Variants in UGT1A4 observed in about 807,000 individuals in gnomAD.
The protein encoded by UGT1A4 is UDP glucuronosyltransferase family 1 member A4.
In UGT1A4, 32 loss-of-function variants were observed where a neutral mutation model predicts 41.1. The observed-to-expected ratio is 0.78, with a 90% confidence interval of 0.59 to 1.05. UGT1A4 has a LOEUF of 1.05. UGT1A4 is among the 50% of genes least tolerant of loss of function. The pLI, the probability that UGT1A4 is intolerant of heterozygous loss-of-function variation, is 0.00. For synonymous variants in UGT1A4, 283 were observed against 265.1 expected (o/e 1.07, Z -0.66); for missense variants, 748 against 677.4 (o/e 1.10, Z -1.16).
chr2:233,759,924 C>T (rs887829), intron 1 of UGT1A4, among the ~76,000 whole-genome samples: 54,890 of 151,920 alleles, frequency 0.36, 10,314 homozygotes, highest in African/African-American at 0.45. Context: ...TGTTTAATTT[C>T]TGGAAAAGAA....
In UGT1A4 at chr2:233,772,482, T is replaced by G. The variant is rs780493798; in HGVS notation, c.1528T>G (p.Cys510Gly). Residue 510 changes from cysteine to glycine, a missense_variant, in exon 5 of 5, where the codon TGT becomes GGT. Transcript: ENST00000373409. ...GACAGTGGCCTTCATCACCTTTAAATGTTGTGCTTATGGCTACCGGAAATG... is the reference window on the plus strand; with the variant it reads ...GACAGTGGCCTTCATCACCTTTAAAGGTTGTGCTTATGGCTACCGGAAATG... Reference protein sequence around the residue: ...VLTVAFITFKCCAYGYRKCLG... With the variant: ...VLTVAFITFKGCAYGYRKCLG... 5.0e-6 allele frequency: 8 copies of G among 1,614,124 alleles called. No homozygotes were observed. The Admixed American group carries it at 1.3e-4, about 27-fold the overall frequency.
Position 233,773,068 on chromosome 2 carries a change from G to C in UGT1A4, c.*509G>C, listed in dbSNP as rs1488458773. Reference sequence around the variant, plus strand: ...TGTACCTTTAGAGTGTAGGTGAAATGAATGAATGGCTTGGAGTGCACTGAG... The same window carrying C: ...TGTACCTTTAGAGTGTAGGTGAAATCAATGAATGGCTTGGAGTGCACTGAG... On this transcript the variant is annotated 3_prime_UTR_variant, in exon 5 of 5. Coordinates refer to ENST00000373409, the MANE Select transcript of UGT1A4 (RefSeq NM_007120.3). 5.8e-6 allele frequency: 1 copy of C among 171,412 alleles called. No homozygotes were observed. Among genetic ancestry groups the C allele is most frequent in the Non-Finnish European group, 1.3e-5 (1 of 78,258 alleles). The allele number at this position is 171,412 out of a possible 1,614,324, so 10.6% of individuals were successfully genotyped here. A position where few individuals can be genotyped will look rare whatever the true frequency, so the allele number is the denominator to read the frequency against.
chr2:233,726,214 T>C (rs560651171), intron 1 of UGT1A4, among the ~76,000 whole-genome samples: 20 of 152,276 alleles, frequency 1.3e-4, no homozygotes, highest in Non-Finnish European at 2.5e-4. Context: ...TTAAAAAGTT[T>C]AGAAAACATT....
intron 1 of UGT1A4, among the ~76,000 whole-genome samples, chr2:233,751,403 T>G (rs1694718342): frequency 6.6e-6 from 1 of 152,162 alleles, no homozygotes; most frequent in Admixed American, 6.5e-5. Flanking sequence ...GACTTTGGAC[T>G]ATGGACTTTT....
chr2:233,728,748 G>A (rs2077747178), intron 1 of UGT1A4, among the ~76,000 whole-genome samples: 1 of 152,206 alleles, frequency 6.6e-6, no homozygotes, highest in African/African-American at 2.4e-5. Flanking sequence ...TAGGGCAATG[G>A]TGACTCCTCA....
At chr2:233,724,564 C>T (rs1389770711) in intron 1 of UGT1A4, among the ~76,000 whole-genome samples, 17 of 122,772 alleles carry the variant, frequency 1.4e-4, no homozygotes, top group African/African-American at 2.4e-4. Flanking sequence ...CCAGATGGGG[C>T]GGCGGGGCAG....
At chr2:233,760,138 T>C (rs2125979054) in intron 1 of UGT1A4, 1 of 1,410,406 alleles carries the variant, frequency 7.1e-7, no homozygotes, top group African/African-American at 1.4e-5. Context: ...TCTTTATCTC[T>C]GAAAGTGAAC....
chr2:233,725,819 A>G (rs2077477278), intron 1 of UGT1A4, among the ~76,000 whole-genome samples: 1 of 152,214 alleles, frequency 6.6e-6, no homozygotes, highest in South Asian at 2.1e-4. Context: ...TTTATTGGAT[A>G]CCAGTATTGC....
At chr2:233,744,463 T>C (rs376604429) in intron 1 of UGT1A4, among the ~76,000 whole-genome samples, 1 of 151,892 alleles carries the variant, frequency 6.6e-6, no homozygotes, top group African/African-American at 2.4e-5. Flanking sequence ...TAAAACAGAA[T>C]TAAAAAGACA....
In UGT1A4 at chr2:233,719,639, G is replaced by A. The variant is rs771839689; in HGVS notation, c.819G>A (p.Met273Ile). The A allele has an allele frequency of 2.5e-6, 4 of 1,614,048 alleles. No individual in the cohort carries two copies. In the Admixed American group the frequency reaches 6.7e-5, roughly 27 times the overall value. Reference protein sequence around the residue: ...MDYPRPIMPNMVFIGGINCAN... With the variant: ...MDYPRPIMPNIVFIGGINCAN... ...ACCCCAGGCCGATCATGCCCAACAT[G>A]GTCTTCATTGGGGGCATCAACTGTG... Residue 273 changes from methionine (M) to isoleucine (I), a missense_variant, in exon 1 of 5, where the codon ATG becomes ATA. Coordinates refer to ENST00000373409, the MANE Select transcript of UGT1A4 (RefSeq NM_007120.3).
chr2:233,750,987 C>T lies in UGT1A4; in HGVS notation c.868-16047C>T, dbSNP rs140441181. 4.4e-3 allele frequency among the ~76,000 whole-genome samples: 664 copies of T among 151,836 alleles called. 16 individuals are homozygous for T. Among genetic ancestry groups the T allele is most frequent in the African/African-American group, 0.015 (615 of 41,178 alleles). On this transcript the variant is annotated intron_variant, in intron 1 of 4. Transcript: ENST00000373409. ...ACTGCCTAGTGGAGTTGTGAGAAGG[C>T]GGCCACCATCCTCCAGAATCCCAAA...
At chr2:233,756,794 A>G (rs1409639482) in intron 1 of UGT1A4, among the ~76,000 whole-genome samples, 1 of 152,086 alleles carries the variant, frequency 6.6e-6, no homozygotes, top group Admixed American at 6.5e-5. Flanking sequence ...GTGGGGCAAT[A>G]CACTAGTAAA....
At chr2:233,736,960 T>C (rs1472477561) in intron 1 of UGT1A4, among the ~76,000 whole-genome samples, 1 of 152,166 alleles carries the variant, frequency 6.6e-6, no homozygotes, top group Non-Finnish European at 1.5e-5. Context: ...TGGCCCCTAC[T>C]GGGAGGTGTT....
intron 1 of UGT1A4, among the ~76,000 whole-genome samples, chr2:233,738,606 A>G (rs1397968465): frequency 6.6e-6 from 1 of 152,228 alleles, no homozygotes; most frequent in Non-Finnish European, 1.5e-5. Flanking sequence ...AAGCTTTAGC[A>G]AAGAAACTCG....
intron 1 of UGT1A4, among the ~76,000 whole-genome samples, chr2:233,762,024 AT>A (rs967311965): frequency 2.6e-5 from 4 of 151,856 alleles, no homozygotes; most frequent in Non-Finnish European, 4.4e-5. Context: ...TTTGTATTTT[AT>A]TTTTTTTAAT....
intron 1 of UGT1A4, among the ~76,000 whole-genome samples, chr2:233,724,462 A>G (rs2077262271): frequency 8.2e-6 from 1 of 121,344 alleles, no homozygotes; most frequent in Admixed American, 8.0e-5. Flanking sequence ...TGCCGGGCGG[A>G]GGGGCTCCTC....
intron 1 of UGT1A4, among the ~76,000 whole-genome samples, chr2:233,745,958 CA>C (rs1693266177): frequency 6.6e-6 from 1 of 151,586 alleles, no homozygotes; most frequent in African/African-American, 2.4e-5. Context: ...AACTGGGGGA[CA>C]GGGGCCCTGA....
At chr2:233,764,342 C>T (rs1016981784) in intron 1 of UGT1A4, among the ~76,000 whole-genome samples, 3 of 152,154 alleles carry the variant, frequency 2.0e-5, no homozygotes, top group Admixed American at 1.3e-4. Context: ...ATGGACTTCA[C>T]CTTTATTGAG....
intron 1 of UGT1A4, among the ~76,000 whole-genome samples, chr2:233,735,822 A>G (rs1482941738): frequency 6.6e-6 from 1 of 152,164 alleles, no homozygotes. Flanking sequence ...TTCTTTAAGA[A>G]TGTTGAATAT....
Sources: allele counts gnomAD v4.1 joint callset (sites outside exome capture counted in the v4.1 genomes callset), GRCh38; gene constraint gnomAD v4.1.1; transcripts MANE v1.5; gene names NCBI Gene and HGNC (gene_info 2026-07-23, HGNC 2026-07-21).